JARID2: variants seen among roughly 807,000 people sequenced by gnomAD.
JARID2 encodes jumonji and AT-rich interaction domain containing 2, also known as protein Jumonji.
In JARID2, 21 loss-of-function variants were observed where a neutral mutation model predicts 125.6. The observed-to-expected ratio is 0.17, with a 90% CI of 0.12 to 0.24. The LOEUF is 0.24. JARID2 is among the 10% of genes least tolerant of loss of function. The pLI is 1.00. For missense variants in JARID2, 1,303 were observed against 1,639.6 expected (o/e 0.79, Z 3.55); for synonymous variants, 736 against 661.6 (o/e 1.11, Z -1.73).
chr6:15,449,985 G>T (rs1352242470), intron 3 of JARID2, among the ~76,000 whole-genome samples: 1 of 152,072 alleles, frequency 6.6e-6, no homozygotes, highest in Admixed American at 6.5e-5. Context: ...TATTAGTTTT[G>T]ATGAAGTAGG....
intron 3 of JARID2, among the ~76,000 whole-genome samples, chr6:15,425,584 A>AT: frequency 6.6e-6 from 1 of 152,260 alleles, no homozygotes; most frequent in African/African-American, 2.4e-5. Context: ...TGGATTCCTT[A>AT]TAGAAGGACA....
chr6:15,441,576 G>A (rs1339881291), intron 3 of JARID2, among the ~76,000 whole-genome samples: 1 of 152,106 alleles, frequency 6.6e-6, no homozygotes, highest in Non-Finnish European at 1.5e-5. Context: ...GCATGAGAGG[G>A]AGGACATGTA....
At position 15,520,913 on chromosome 6, in the gene JARID2, A is replaced by C; in HGVS notation, c.*662A>C. On this transcript the variant is annotated 3_prime_UTR_variant, in exon 18 of 18. Coordinates refer to ENST00000341776, the MANE Select transcript of JARID2 (RefSeq NM_004973.4). ...ACATCACTATGCATCTGTTCCAGGAAAGAAGAAAAGCGAGCGAGGAAGACG... is the reference window on the plus strand; with the variant it reads ...ACATCACTATGCATCTGTTCCAGGACAGAAGAAAAGCGAGCGAGGAAGACG... The C allele has an allele frequency of 4.6e-6, 2 of 439,524 alleles. No individual in the cohort carries two copies. Among genetic ancestry groups the C allele is most frequent in the South Asian group, 3.1e-5 (2 of 63,508 alleles). The allele number at this position is 439,524 out of a possible 1,614,324, so 27.2% of individuals were successfully genotyped here. A position where few individuals can be genotyped will look rare whatever the true frequency, so the allele number is the denominator to read the frequency against.
chr6:15,446,030 A>G (rs1767658590), intron 3 of JARID2, among the ~76,000 whole-genome samples: 1 of 152,104 alleles, frequency 6.6e-6, no homozygotes. Flanking sequence ...TCCTGTTGCT[A>G]TTGGATCTGT....
rs540210596 is a variant in JARID2 at position 15,402,938 on chromosome 6, C to CA, written c.182-7285dup. On this transcript the variant is annotated intron_variant, in intron 2 of 17. Coordinates refer to ENST00000341776, the MANE Select transcript of JARID2 (RefSeq NM_004973.4). ...CAGTTACGGCCTGGGATAGAGTAGTCATGGGATTGGACACAAAACTAGAAC... is the reference window on the plus strand; with the variant it reads ...CAGTTACGGCCTGGGATAGAGTAGTCAATGGGATTGGACACAAAACTAGAAC... Among the ~76,000 whole-genome samples, 9 of 152,186 alleles carry CA rather than the reference C, an allele frequency of 5.9e-5. No individual in the cohort carries two copies. In the East Asian group the frequency reaches 1.7e-3, roughly 29 times the overall value.
intron 1 of JARID2, among the ~76,000 whole-genome samples, chr6:15,332,925 CTT>C (rs1561797462): frequency 1.2e-3 from 69 of 57,814 alleles, no homozygotes; most frequent in African/African-American, 3.3e-3. Context: ...CCTTTCTTTT[CTT>C]TTCTTTTCTT....
chr6:15,496,622 C>T lies in JARID2; in HGVS notation c.1397C>T (p.Pro466Leu), dbSNP rs757498583. Residue 466 changes from proline to leucine, a missense_variant, in exon 7 of 18, where the codon CCC becomes CTC. Around this residue, in one of 11 missense-constraint regions of JARID2, gnomAD observed 651 missense variants for 581.6 expected, o/e 1.12. Coordinates refer to ENST00000341776, the MANE Select transcript of JARID2 (RefSeq NM_004973.4). ...PPKKMKGAAG[P>L]AEGPGKKAPA... ...AAGAAGATGAAAGGGGCGGCTGGCCCCGCCGAAGGCCCTGGCAAGAAGGCC... is the reference window on the plus strand; with the variant it reads ...AAGAAGATGAAAGGGGCGGCTGGCCTCGCCGAAGGCCCTGGCAAGAAGGCC... 2 of 1,607,182 alleles carry T rather than the reference C, an allele frequency of 1.2e-6. No individual in the cohort carries two copies. The highest frequency in any genetic ancestry group is 1.7e-6 in the Non-Finnish European group (2 of 1,178,048).
intron 17 of JARID2, among the ~76,000 whole-genome samples, chr6:15,519,186 T>G (rs1468327026): frequency 6.6e-6 from 1 of 152,246 alleles, no homozygotes; most frequent in Non-Finnish European, 1.5e-5. Flanking sequence ...TCACTTGTCC[T>G]TATGGTAAGG....
chr6:15,474,833 C>T (rs572181690), intron 5 of JARID2, among the ~76,000 whole-genome samples: 4 of 152,298 alleles, frequency 2.6e-5, no homozygotes, highest in East Asian at 3.9e-4. Context: ...TATATCCCAC[C>T]GTGTCTTCAA....
intron 9 of JARID2, chr6:15,505,045 A>G (rs1452693716): frequency 6.1e-6 from 1 of 163,126 alleles, no homozygotes; most frequent in South Asian, 1.7e-4. Context: ...CTCTTCTTTG[A>G]GTTAGTATGA....
Position 15,422,966 on chromosome 6 carries a change from C to T in JARID2, c.323+12601C>T, listed in dbSNP as rs1385190870. Among the ~76,000 whole-genome samples the T allele has an allele frequency of 8.1e-5, 12 of 148,210 alleles. No individual in the cohort carries two copies. In the East Asian group the frequency reaches 2.4e-3, roughly 29 times the overall value. ...GGCCTACTTGACTATGCTATCAAGGCTTACAGGTGTAGCCTAGTCTTTTTT... is the reference window on the plus strand; with the variant it reads ...GGCCTACTTGACTATGCTATCAAGGTTTACAGGTGTAGCCTAGTCTTTTTT... On this transcript the variant is annotated intron_variant, in intron 3 of 17. Transcript: ENST00000341776.
chr6:15,433,687 C>A (rs1767069699), intron 3 of JARID2, among the ~76,000 whole-genome samples: 1 of 151,968 alleles, frequency 6.6e-6, no homozygotes, highest in African/African-American at 2.4e-5. Context: ...GTCGATGCAC[C>A]CACTACTGCC....
chr6:15,313,030 T>C (rs2127429762), intron 1 of JARID2, among the ~76,000 whole-genome samples: 1 of 152,318 alleles, frequency 6.6e-6, no homozygotes, highest in Admixed American at 6.5e-5. Context: ...AATAGTGCCT[T>C]CCATAAAATC....
At chr6:15,492,905 C>T (rs922641334) in intron 6 of JARID2, among the ~76,000 whole-genome samples, 4 of 152,026 alleles carry the variant, frequency 2.6e-5, no homozygotes, top group African/African-American at 7.3e-5. Flanking sequence ...AAGATAACTC[C>T]TATAATAAGA....
chr6:15,294,508 A>G (rs936305565), intron 1 of JARID2, among the ~76,000 whole-genome samples: 4 of 152,242 alleles, frequency 2.6e-5, no homozygotes, highest in Non-Finnish European at 5.9e-5. Context: ...ATGAGAAGAA[A>G]TTAGGTAACA....
intron 4 of JARID2, among the ~76,000 whole-genome samples, chr6:15,460,043 G>A (rs916300491): frequency 1.3e-5 from 2 of 152,202 alleles, no homozygotes; most frequent in Non-Finnish European, 2.9e-5. Flanking sequence ...TAGTGAAAGT[G>A]TATGTTTGAG....
chr6:15,461,525 C>T (rs1482871059), intron 4 of JARID2, among the ~76,000 whole-genome samples: 1 of 152,138 alleles, frequency 6.6e-6, no homozygotes, highest in Non-Finnish European at 1.5e-5. Flanking sequence ...TTAACAAAGA[C>T]CAAAGGTTCA....
intron 4 of JARID2, among the ~76,000 whole-genome samples, chr6:15,455,808 A>G (rs1159504166): frequency 6.6e-6 from 1 of 152,234 alleles, no homozygotes. Context: ...GATTACAGGC[A>G]TGAGTCACCA....
chr6:15,466,866 C>A (rs889361786), intron 4 of JARID2, among the ~76,000 whole-genome samples: 28 of 152,152 alleles, frequency 1.8e-4, no homozygotes, highest in Admixed American at 4.6e-4. Flanking sequence ...TGATTTTCCC[C>A]AAAGTCTGTG....
Sources: allele counts gnomAD v4.1 joint callset (sites outside exome capture counted in the v4.1 genomes callset), GRCh38; gene constraint gnomAD v4.1.1; regional missense constraint gnomAD v4.1.1; transcripts MANE v1.5; gene names NCBI Gene and HGNC (gene_info 2026-07-23, HGNC 2026-07-21).